The following ZDBF2 variants were observed in gnomAD, a reference collection of about 807,000 sequenced individuals.
ZDBF2 encodes DBF4-type zinc finger-containing protein 2.
ZDBF2 carries 6 observed loss-of-function variants against 9.4 expected under a neutral mutation model. The observed-to-expected ratio is 0.64, with a 90% confidence interval of 0.35 to 1.27. The LOEUF is 1.27. Among genes scored for constraint, ZDBF2 ranks in the 50% most tolerant of loss-of-function variants. ZDBF2 has a pLI of 0.03. For missense variants in ZDBF2, 2,697 were observed against 2,766.8 expected (o/e 0.97, Z 0.57); for synonymous variants, 905 against 946.3 (o/e 0.96, Z 0.80).
At chr2:206,292,273 T>G (rs1292797424) in intron 3 of ZDBF2, among the ~76,000 whole-genome samples, 2 of 152,180 alleles carry the variant, frequency 1.3e-5, no homozygotes, top group Admixed American at 1.3e-4. Context: ...GCGTTGACAG[T>G]TCAGGGTTGC....
At chr2:206,275,941 A>C (rs1690977021) in intron 1 of ZDBF2, among the ~76,000 whole-genome samples, 1 of 152,274 alleles carries the variant, frequency 6.6e-6, no homozygotes, top group African/African-American at 2.4e-5. Context: ...AGAGTTGATA[A>C]AGTATCACTG....
Position 206,307,293 on chromosome 2 carries a change from T to G in ZDBF2, c.2765T>G (p.Ile922Ser). The G allele has an allele frequency of 6.2e-7, 1 of 1,609,480 alleles. No individual in the cohort carries two copies. Among genetic ancestry groups the G allele is most frequent in the Non-Finnish European group, 8.5e-7 (1 of 1,178,658 alleles). ...TCTGAAGTAAGTTTGGATTATAATA[T>G]CATTTTTCATTCAGTGACTGGACGT... ...IDSEVSLDYNIIFHSVTGRSE... is the reference protein window; with the variant it reads ...IDSEVSLDYNSIFHSVTGRSE... Residue 922 changes from isoleucine to serine, a missense_variant, in exon 5 of 5, where the codon ATC becomes AGC. Ile to Ser is a moderately radical substitution (Grantham distance 142). This residue lies in a region of ZDBF2 where 1,783 missense variants were observed against 1,776.5 expected (regional missense o/e 1.00). Transcript: ENST00000374423.
intron 2 of ZDBF2, 101 bp from the exon 3 acceptor site, chr2:206,281,700 A>G: frequency 2.9e-6 from 2 of 679,672 alleles, no homozygotes; most frequent in Non-Finnish European, 4.9e-6. Context: ...TATTTTCCTA[A>G]TTATTAGAAG....
Position 206,307,177 on chromosome 2 carries a change from G to A in ZDBF2, c.2649G>A (p.Val883=), listed in dbSNP as rs1692849695. ...SSDSHAPLHS[V]TNSPEVAVKK... ...ATTCCCATGCCCCTCTTCATTCAGT[G>A]ACTAATTCTCCCGAAGTAGCTGTTA... The change falls in exon 5 of 5, where the codon GTG becomes GTA. Residue 883 remains valine (V), a synonymous_variant. Coordinates refer to ENST00000374423, the MANE Select transcript of ZDBF2 (RefSeq NM_020923.3). 1.2e-6 allele frequency: 2 copies of A among 1,613,186 alleles called. No individual in the cohort carries two copies. The highest frequency in any genetic ancestry group is 2.2e-5 in the East Asian group (1 of 44,878).
Position 206,307,770 on chromosome 2 carries a change from C to T in ZDBF2, c.3242C>T (p.Thr1081Ile), listed in dbSNP as rs938962090. ...AGTAAATCAGGTGATTCTAAAATAA[C>T]TTTTGATTCTGAACAACTTCAGGAA... is the stretch of plus-strand genomic sequence containing the variant. ...KNSKSGDSKITFDSEQLQEAV... is the reference protein window; with the variant it reads ...KNSKSGDSKIIFDSEQLQEAV... The change falls in exon 5 of 5, where the codon ACT becomes ATT. Residue 1081 changes from threonine (T) to isoleucine (I), a missense_variant. This residue lies in a region of ZDBF2 where 1,783 missense variants were observed against 1,776.5 expected (regional missense o/e 1.00). Transcript: ENST00000374423. 4 of 1,610,900 alleles carry T rather than the reference C, an allele frequency of 2.5e-6. No individual in the cohort carries two copies. Among genetic ancestry groups the T allele is most frequent in the African/African-American group, 2.7e-5 (2 of 74,838 alleles).
At chr2:206,283,654 G>A (rs1691446580) in intron 3 of ZDBF2, among the ~76,000 whole-genome samples, 1 of 151,910 alleles carries the variant, frequency 6.6e-6, no homozygotes, top group African/African-American at 2.4e-5. Context: ...CATTCTGTGG[G>A]TTGTCTTATT....
At position 206,310,430 on chromosome 2, in the gene ZDBF2, C is replaced by A. The variant is rs771273867; in HGVS notation, c.5902C>A (p.Pro1968Thr). The change falls in exon 5 of 5, where the codon CCA becomes ACA. Residue 1968 changes from proline (P) to threonine (T), a missense_variant. Physicochemically the swap from Pro to Thr is conservative, Grantham distance 38. Coordinates refer to ENST00000374423, the MANE Select transcript of ZDBF2 (RefSeq NM_020923.3). ...RKIIRQEEDP[P>T]KSKCSRLQDD... is the part of the protein sequence containing the mutation. ...AATAATTAGACAAGAGGAAGACCCA[C>A]CAAAAAGTAAGTGTTCACGTTTACA... 1.2e-6 allele frequency: 2 copies of A among 1,613,824 alleles called. No individual in the cohort carries two copies. The highest frequency in any genetic ancestry group is 1.7e-6 in the Non-Finnish European group (2 of 1,179,850).
chr2:206,304,579 G>A (rs1012758942), intron 4 of ZDBF2, 138 bp from the exon 5 acceptor site: 31 of 1,072,032 alleles, frequency 2.9e-5, no homozygotes, highest in Non-Finnish European at 3.4e-5. Context: ...GCAGTGTTCA[G>A]CCTGGGGTGA....
At chr2:206,283,804 C>T (rs1355391982) in intron 3 of ZDBF2, among the ~76,000 whole-genome samples, 1 of 152,070 alleles carries the variant, frequency 6.6e-6, no homozygotes, top group Admixed American at 6.5e-5. Context: ...CCTGGGACTA[C>T]TGGTGTGCAC....
intron 1 of ZDBF2, among the ~76,000 whole-genome samples, chr2:206,275,527 G>C (rs996484593): frequency 2.0e-5 from 3 of 152,140 alleles, no homozygotes; most frequent in African/African-American, 7.2e-5. Context: ...TTACGCCATC[G>C]TTTTTACTTG....
At chr2:206,283,200 C>T (rs895918452) in intron 3 of ZDBF2, among the ~76,000 whole-genome samples, 10 of 152,076 alleles carry the variant, frequency 6.6e-5, no homozygotes, top group African/African-American at 2.4e-4. Flanking sequence ...TTTGTGTGGA[C>T]GTATGCTTTC....
In ZDBF2 at chr2:206,310,577, A is replaced by G. The variant is rs766377477; in HGVS notation, c.6049A>G (p.Ile2017Val). The stretch of plus-strand genomic sequence containing the variant: ...AGTCTGTGTTCTTTCTTCTTTAAAT[A>G]TTAAACTGAAAGAGGGTGAAGGCCT... ...ALVCVLSSLN[I>V]KLKEGEGLPF... is the part of the protein sequence containing the mutation. The change falls in exon 5 of 5, where the codon ATT becomes GTT. Residue 2017 changes from isoleucine (I) to valine (V), a missense_variant. Coordinates refer to ENST00000374423, the MANE Select transcript of ZDBF2 (RefSeq NM_020923.3). 6.2e-7 allele frequency: 1 copy of G among 1,612,298 alleles called. No homozygotes were observed. Among genetic ancestry groups the G allele is most frequent in the Non-Finnish European group, 8.5e-7 (1 of 1,179,040 alleles).
At position 206,312,458 on chromosome 2, in the gene ZDBF2, A is replaced by AG. The variant is rs1693240770; in HGVS notation, c.*867dup. Reference sequence around the variant, plus strand: ...GAGACAGAGTCTCACTGTCTTGCCCAGGCTGGAGTGCAGTGGCCTGAACTT... The same window carrying AG: ...GAGACAGAGTCTCACTGTCTTGCCCAGGGCTGGAGTGCAGTGGCCTGAACTT... On this transcript the variant is annotated 3_prime_UTR_variant, in exon 5 of 5. Coordinates refer to ENST00000374423, the MANE Select transcript of ZDBF2 (RefSeq NM_020923.3). The AG allele has an allele frequency of 1.3e-5, 2 of 152,276 alleles. No individual in the cohort carries two copies. Among genetic ancestry groups the AG allele is most frequent in the South Asian group, 4.1e-4 (2 of 4,824 alleles). The allele number at this position is 152,276 out of a possible 1,614,324, so 9.4% of individuals were successfully genotyped here. A position where few individuals can be genotyped will look rare whatever the true frequency, so the allele number is the denominator to read the frequency against.
At position 206,310,209 on chromosome 2, in the gene ZDBF2, CAG is replaced by C. The variant is rs1434009183; in HGVS notation, c.5686_5687del (p.Ser1896Ter). On this transcript the variant is annotated frameshift_variant, in exon 5 of 5. Coordinates refer to ENST00000374423, the MANE Select transcript of ZDBF2 (RefSeq NM_020923.3). LOFTEE classifies it low-confidence loss of function (END_TRUNC). Reference sequence around the variant, plus strand: ...GACACTGCACCAACTCAAGCTGTGTCAGAGAGTGATGATATTGTCTGTGGTAT... The same window carrying C: ...GACACTGCACCAACTCAAGCTGTGTCAGAGTGATGATATTGTCTGTGGTAT... The C allele has an allele frequency of 4.3e-6, 7 of 1,613,816 alleles. No individual in the cohort carries two copies. The highest frequency in any genetic ancestry group is 1.1e-5 in the South Asian group (1 of 91,080).
At position 206,311,632 on chromosome 2, in the gene ZDBF2, C is replaced by T; in HGVS notation, c.*39C>T. Reference sequence around the variant, plus strand: ...GTTCAGGCTAGTTGAGGATTCAGTACTTCAGTTGAAATATATTTGGTACTT... The same window carrying T: ...GTTCAGGCTAGTTGAGGATTCAGTATTTCAGTTGAAATATATTTGGTACTT... On this transcript the variant is annotated 3_prime_UTR_variant, in exon 5 of 5. Transcript: ENST00000374423. 7.1e-7 allele frequency: 1 copy of T among 1,417,892 alleles called. No homozygotes were observed. The highest frequency in any genetic ancestry group is 2.0e-5 in the South Asian group (1 of 49,900). The allele number at this position is 1,417,892 out of a possible 1,614,324, so 87.8% of individuals were successfully genotyped here. A position where few individuals can be genotyped will look rare whatever the true frequency, so the allele number is the denominator to read the frequency against.
rs189264055 is a variant in ZDBF2 at position 206,285,022 on chromosome 2, C to T, written c.60+3113C>T. Among the ~76,000 whole-genome samples the T allele has an allele frequency of 4.4e-3, 675 of 152,332 alleles. 4 individuals carry two copies. Among genetic ancestry groups the T allele is most frequent in the Non-Finnish European group, 7.1e-3 (481 of 68,038 alleles). On this transcript the variant is annotated intron_variant, in intron 3 of 4. Transcript: ENST00000374423. ...GGGATTACAGGCGTGAGCCACTGCG[C>T]CTGGCCCCTTTTTTCTTTTATCTGT...
chr2:206,286,056 G>A lies in ZDBF2; in HGVS notation c.60+4147G>A, dbSNP rs191035144. Among the ~76,000 whole-genome samples, 6 of 152,266 alleles carry A rather than the reference G, an allele frequency of 3.9e-5. No homozygotes were observed. The East Asian group carries it at 1.2e-3, about 29-fold the overall frequency. ...CTGATTTCTAGTTTATGCTATTGTG[G>A]TCAGAAAAGATACTTGATATAATTT... On this transcript the variant is annotated intron_variant, in intron 3 of 4. Coordinates refer to ENST00000374423, the MANE Select transcript of ZDBF2 (RefSeq NM_020923.3).
At chr2:206,290,353 G>A (rs181761063) in intron 3 of ZDBF2, among the ~76,000 whole-genome samples, 3 of 152,252 alleles carry the variant, frequency 2.0e-5, no homozygotes, top group East Asian at 3.9e-4. Flanking sequence ...GTATTTCCAT[G>A]TGAATTTAAA....
intron 3 of ZDBF2, among the ~76,000 whole-genome samples, chr2:206,285,695 C>T (rs549161084): frequency 1.5e-4 from 23 of 152,206 alleles, no homozygotes; most frequent in East Asian, 7.7e-4. Flanking sequence ...CCTGTCCTTT[C>T]GAGGTCTTTT....
Sources: allele counts gnomAD v4.1 joint callset (sites outside exome capture counted in the v4.1 genomes callset), GRCh38; gene constraint gnomAD v4.1.1; regional missense constraint gnomAD v4.1.1; transcripts MANE v1.5; gene names NCBI Gene and HGNC (gene_info 2026-07-23, HGNC 2026-07-21).